NALF1: variants seen among roughly 807,000 people sequenced by gnomAD.
NALF1 encodes the protein NALCN channel auxiliary factor 1.
A neutral mutation model predicts 48.4 loss-of-function variants in NALF1; 3 were observed. The ratio of observed to expected loss-of-function variants is 0.06; its 90% CI spans 0.03 to 0.16. NALF1 has a LOEUF of 0.16. Ranked by LOEUF, NALF1 falls within the 10% of genes least tolerant of loss-of-function variation. The pLI, the probability that NALF1 is intolerant of heterozygous loss-of-function variation, is 1.00. For missense variants in NALF1, 526 were observed against 571.5 expected, an observed-to-expected ratio of 0.92 and a Z score of 0.81; for synonymous variants, 262 against 245.7, an observed-to-expected ratio of 1.07 and a Z score of -0.62.
At chr13:107,451,548 G>T (rs1884740253) in intron 1 of NALF1, among the ~76,000 whole-genome samples, 2 of 152,166 alleles carry the variant, frequency 1.3e-5, no homozygotes, top group South Asian at 4.1e-4. Context: ...AGGATAAGCA[G>T]CATGTCTGAA....
At chr13:107,707,983 C>A (rs1273668142) in intron 1 of NALF1, among the ~76,000 whole-genome samples, 1 of 151,770 alleles carries the variant, frequency 6.6e-6, no homozygotes, top group Non-Finnish European at 1.5e-5. Context: ...TATAATCCAC[C>A]CTACCCCCCA....
At chr13:107,372,333 G>A (rs894044429) in intron 1 of NALF1, among the ~76,000 whole-genome samples, 1 of 152,216 alleles carries the variant, frequency 6.6e-6, no homozygotes, top group Non-Finnish European at 1.5e-5. Context: ...GATATGCCAT[G>A]CCTCTATTGC....
At chr13:107,411,512 T>C (rs1883991487) in intron 1 of NALF1, among the ~76,000 whole-genome samples, 1 of 152,106 alleles carries the variant, frequency 6.6e-6, no homozygotes, top group Non-Finnish European at 1.5e-5. Context: ...CATGGGTTTA[T>C]TCCTCATTCA....
At chr13:107,220,228 A>G (rs1017701038) in intron 1 of NALF1, among the ~76,000 whole-genome samples, 8 of 152,136 alleles carry the variant, frequency 5.3e-5, no homozygotes, top group African/African-American at 1.7e-4. Context: ...ACACCACACT[A>G]TCTTTGTTGT....
At chr13:107,482,052 C>T (rs984319041) in intron 1 of NALF1, among the ~76,000 whole-genome samples, 7 of 152,058 alleles carry the variant, frequency 4.6e-5, no homozygotes, top group African/African-American at 1.7e-4. Flanking sequence ...ATCTAGATGT[C>T]ACTGTGAAAG....
intron 1 of NALF1, among the ~76,000 whole-genome samples, chr13:107,703,047 T>C (rs1483602175): frequency 6.6e-6 from 1 of 152,218 alleles, no homozygotes; most frequent in African/African-American, 2.4e-5. Flanking sequence ...TTTATATTCC[T>C]TTGGGTATAT....
chr13:107,269,913 A>ATTTTTTTTTTTTT lies in NALF1; in HGVS notation c.916-59171_916-59159dup, dbSNP rs71121514. 2.8e-4 allele frequency among the ~76,000 whole-genome samples: 25 copies of ATTTTTTTTTTTTT among 89,048 alleles called. 1 individual carries two copies. The highest frequency in any genetic ancestry group is 7.8e-4 in the South Asian group (2 of 2,570). The allele number at this position is 89,048 out of a possible 152,430, so 58.4% of individuals were successfully genotyped here. ...AGGTGCCCACCACCACGCCCGGCTAATTTTTTTTTTTTTTTTTTTTTTTTT... is the reference window on the plus strand; with the variant it reads ...AGGTGCCCACCACCACGCCCGGCTAATTTTTTTTTTTTTTTTTTTTTTTTTTTTTTTTTTTTTT... On this transcript the variant is annotated intron_variant, in intron 1 of 2. Transcript: ENST00000375915.
intron 2 of NALF1, among the ~76,000 whole-genome samples, chr13:107,187,747 A>G (rs1879206006): frequency 6.6e-6 from 1 of 152,058 alleles, no homozygotes; most frequent in Non-Finnish European, 1.5e-5. Flanking sequence ...AATCCTGATC[A>G]CCCATGGGTC....
intron 1 of NALF1, among the ~76,000 whole-genome samples, chr13:107,854,894 C>A (rs939611158): frequency 3.3e-5 from 5 of 151,076 alleles, no homozygotes; most frequent in Middle Eastern, 3.4e-3. Context: ...GAAAAAAAGA[C>A]CTATATGGAA....
intron 1 of NALF1, among the ~76,000 whole-genome samples, chr13:107,649,313 C>T (rs1017439980): frequency 1.3e-5 from 2 of 152,158 alleles, no homozygotes; most frequent in Non-Finnish European, 2.9e-5. Flanking sequence ...AGTCATACCT[C>T]TGTAGATTAA....
intron 1 of NALF1, among the ~76,000 whole-genome samples, chr13:107,333,858 G>A (rs975099621): frequency 6.6e-6 from 1 of 152,068 alleles, no homozygotes. Context: ...TGACATGGGT[G>A]GTATTTTCCT....
chr13:107,193,634 G>A lies in NALF1; in HGVS notation c.1087+16950C>T, dbSNP rs1879326878. Among the ~76,000 whole-genome samples the A allele has an allele frequency of 2.0e-5, 3 of 152,088 alleles. No homozygotes were observed. The South Asian group carries it at 6.2e-4, about 32-fold the overall frequency. On this transcript the variant is annotated intron_variant, in intron 2 of 2. Coordinates refer to ENST00000375915, the MANE Select transcript of NALF1 (RefSeq NM_001080396.3). ...ATCTAACCCCTCCCACATGCAGGAG[G>A]GGCCCCTGACTAACCCGACCGACCA...
At chr13:107,614,514 A>C (rs1401682838) in intron 1 of NALF1, among the ~76,000 whole-genome samples, 1 of 152,218 alleles carries the variant, frequency 6.6e-6, no homozygotes, top group Non-Finnish European at 1.5e-5. Context: ...GGAATACAAT[A>C]AGGCTGATAT....
At chr13:107,703,149 C>A (rs1298734796) in intron 1 of NALF1, among the ~76,000 whole-genome samples, 3 of 152,018 alleles carry the variant, frequency 2.0e-5, no homozygotes, top group Non-Finnish European at 4.4e-5. Flanking sequence ...GATATTCAAC[C>A]CTGTCACTCT....
chr13:107,509,198 T>A (rs1875801493), intron 1 of NALF1, among the ~76,000 whole-genome samples: 4 of 152,166 alleles, frequency 2.6e-5, no homozygotes, highest in Non-Finnish European at 4.4e-5. Flanking sequence ...TATATTTACA[T>A]ATTACATATT....
chr13:107,680,252 G>A (rs968765623), intron 1 of NALF1, among the ~76,000 whole-genome samples: 5 of 152,216 alleles, frequency 3.3e-5, no homozygotes, highest in African/African-American at 7.2e-5. Context: ...TGTTCTCTCT[G>A]TACAGATGCC....
chr13:107,503,457 T>C (rs1033668170), intron 1 of NALF1, among the ~76,000 whole-genome samples: 4 of 152,006 alleles, frequency 2.6e-5, no homozygotes, highest in African/African-American at 9.7e-5. Context: ...ATAACAAATG[T>C]TTGCAAGGTG....
chr13:107,235,015 A>AT (rs1421205035), intron 1 of NALF1, among the ~76,000 whole-genome samples: 6 of 152,102 alleles, frequency 3.9e-5, no homozygotes, highest in Admixed American at 3.9e-4. Flanking sequence ...ATTCATCCCC[A>AT]TTTAGCCTTC....
At chr13:107,675,754 C>T (rs1178973674) in intron 1 of NALF1, among the ~76,000 whole-genome samples, 5 of 152,088 alleles carry the variant, frequency 3.3e-5, no homozygotes, top group African/African-American at 7.2e-5. Flanking sequence ...TTCTTGTCCT[C>T]GTACACTTTT....
Sources: gnomAD v4.1 joint callset for allele counts (sites outside exome capture counted in the v4.1 genomes callset) on GRCh38, gnomAD v4.1.1 for gene constraint, MANE v1.5 for transcripts, NCBI Gene and HGNC (gene_info 2026-07-23, HGNC 2026-07-21) for gene names.